TMEM233: variants seen among roughly 807,000 people sequenced by gnomAD.
The protein encoded by TMEM233 is dispanin subfamily B member 2.
TMEM233 carries 6 observed loss-of-function variants against 11.2 expected under a neutral mutation model. The ratio of observed to expected loss-of-function variants is 0.54; its 90% CI spans 0.29 to 1.06. The LOEUF (loss-of-function observed/expected upper bound fraction) is 1.06. Ranked by LOEUF, TMEM233 falls within the 50% of genes least tolerant of loss-of-function variation. The probability of loss-of-function intolerance (pLI) is 0.08; values close to 1 mark genes in which losing one functional copy is unlikely to be tolerated. For missense variants in TMEM233, 127 were observed against 144.7 expected, an observed-to-expected ratio of 0.88 and a Z score of 0.63; for synonymous variants, 59 against 55.8, an observed-to-expected ratio of 1.06 and a Z score of -0.26.
chr12:119,624,021 T>C (rs1393797265), intron 1 of TMEM233, among the ~76,000 whole-genome samples: 2 of 152,130 alleles, frequency 1.3e-5, no homozygotes, highest in Non-Finnish European at 2.9e-5. Flanking sequence ...GATAGTTACA[T>C]AGACCAGAAG....
intron 1 of TMEM233, among the ~76,000 whole-genome samples, chr12:119,619,499 G>A (rs542588861): frequency 1.3e-5 from 2 of 152,122 alleles, no homozygotes; most frequent in South Asian, 4.2e-4. Context: ...AAATTACCTG[G>A]TAGTGGTAGC....
chr12:119,603,675 T>C (rs1245209003), intron 1 of TMEM233, among the ~76,000 whole-genome samples: 2 of 152,182 alleles, frequency 1.3e-5, no homozygotes, highest in Non-Finnish European at 2.9e-5. Context: ...TCTAAACAGA[T>C]TTCCTCTTGG....
chr12:119,637,434 C>T lies in TMEM233; in HGVS notation c.324-3265C>T, dbSNP rs556791426. On this transcript the variant is annotated intron_variant, in intron 2 of 2. Transcript: ENST00000426426. Reference sequence around the variant, plus strand: ...CTTGACCCATTCTGTACTGGGAAAGCGTCTCTCTCATAAGCAAATTGAAAT... The same window carrying T: ...CTTGACCCATTCTGTACTGGGAAAGTGTCTCTCTCATAAGCAAATTGAAAT... 9.2e-5 allele frequency among the ~76,000 whole-genome samples: 14 copies of T among 152,302 alleles called. No individual in the cohort carries two copies. The East Asian group carries it at 2.5e-3, about 27-fold the overall frequency.
At chr12:119,613,802 C>G (rs1279235169) in intron 1 of TMEM233, among the ~76,000 whole-genome samples, 1 of 151,702 alleles carries the variant, frequency 6.6e-6, no homozygotes, top group Non-Finnish European at 1.5e-5. Context: ...AACCTTGTCT[C>G]AAAAAATAAA....
At chr12:119,650,533 T>C in the TMEM233 span, among the ~76,000 whole-genome samples, 1 of 152,260 alleles carries the variant, frequency 6.6e-6, no homozygotes. Context: ...TTGTCCCTAA[T>C]TCGTTGCAAA....
chr12:119,630,724 A>G (rs1333400051), intron 2 of TMEM233, among the ~76,000 whole-genome samples: 1 of 152,256 alleles, frequency 6.6e-6, no homozygotes, highest in Non-Finnish European at 1.5e-5. Flanking sequence ...TTAGGCTTAC[A>G]TTGACTGAAA....
At chr12:119,648,430 C>T in the TMEM233 span, among the ~76,000 whole-genome samples, 13 of 152,166 alleles carry the variant, frequency 8.5e-5, no homozygotes, top group Non-Finnish European at 1.8e-4. Context: ...TCCCCATGTG[C>T]CCTTCCTCCT....
At chr12:119,627,232 G>A (rs1299585964) in intron 1 of TMEM233, among the ~76,000 whole-genome samples, 1 of 152,218 alleles carries the variant, frequency 6.6e-6, no homozygotes, top group African/African-American at 2.4e-5. Flanking sequence ...GAACTTCTTT[G>A]GTAAATGACC....
chr12:119,617,809 GGCAACAA>G (rs1437428774), intron 1 of TMEM233, among the ~76,000 whole-genome samples: 1 of 151,960 alleles, frequency 6.6e-6, no homozygotes, highest in African/African-American at 2.4e-5. Flanking sequence ...CTCCAACCTG[GGCAACAA>G]GAAAGAAACT....
intron 1 of TMEM233, among the ~76,000 whole-genome samples, chr12:119,613,270 T>A (rs1490067272): frequency 1.3e-5 from 2 of 152,046 alleles, no homozygotes; most frequent in African/African-American, 4.8e-5. Context: ...CTGTATGAAT[T>A]TTTTCTTTTT....
the TMEM233 span, among the ~76,000 whole-genome samples, chr12:119,653,282 C>T: frequency 6.6e-6 from 1 of 151,028 alleles, no homozygotes; most frequent in Non-Finnish European, 1.5e-5. Context: ...CTCCCAGCTG[C>T]TTGGGAGGCT....
intron 1 of TMEM233, among the ~76,000 whole-genome samples, chr12:119,597,803 A>G (rs1954077967): frequency 6.6e-6 from 1 of 152,208 alleles, no homozygotes; most frequent in African/African-American, 2.4e-5. Context: ...CTATATATTG[A>G]AAGTCTGTTT....
At chr12:119,634,094 G>A in intron 2 of TMEM233, 1 of 186,482 alleles carries the variant, frequency 5.4e-6, no homozygotes, top group Non-Finnish European at 1.0e-5. Flanking sequence ...TCATGGACTG[G>A]TCGGTTTTCA....
rs141421355 is a variant in TMEM233, at chr12:119,626,496, G to A, written c.187-3240G>A. On this transcript the variant is annotated intron_variant, in intron 1 of 2. Coordinates refer to ENST00000426426, the MANE Select transcript of TMEM233 (RefSeq NM_001136534.3). ...GGAAAAAAAAAAAAAAGAAGAAAAA[G>A]GAGGAGGAGGAGGAGGAGGAGGAGA... Among the ~76,000 whole-genome samples the A allele has an allele frequency of 2.0e-3, 123 of 62,408 alleles. 12 individuals are homozygous for A. The highest frequency in any genetic ancestry group is 0.016 in the Admixed American group (109 of 6,726). The allele number at this position is 62,408 out of a possible 152,430, so 40.9% of individuals were successfully genotyped here.
chr12:119,626,519 A>AG (rs1954763792), intron 1 of TMEM233, among the ~76,000 whole-genome samples: 4 of 57,080 alleles, frequency 7.0e-5, no homozygotes, highest in Non-Finnish European at 1.1e-4. Flanking sequence ...GAGGAGGAGG[A>AG]GAAGGGAGAA....
At chr12:119,632,518 G>A (rs1318093284) in intron 2 of TMEM233, among the ~76,000 whole-genome samples, 2 of 152,208 alleles carry the variant, frequency 1.3e-5, no homozygotes, top group African/African-American at 4.8e-5. Context: ...ACAGAAATGT[G>A]TGATGAGTCA....
Position 119,642,463 on chromosome 12 carries a change from G to A in TMEM233, c.*1758G>A, listed in dbSNP as rs531516544. 29 of 151,778 alleles carry A rather than the reference G, an allele frequency of 1.9e-4. No homozygotes were observed. The highest frequency in any genetic ancestry group is 6.8e-4 in the African/African-American group (28 of 41,388). The allele number at this position is 151,778 out of a possible 1,614,324, so 9.4% of individuals were successfully genotyped here. A position where few individuals can be genotyped will look rare whatever the true frequency, so the allele number is the denominator to read the frequency against. The stretch of plus-strand genomic sequence containing the variant: ...ACTCCATCTCAAAAAAAAAAGAAAA[G>A]AAAACGAAAGAAAAAGAAAAAAGAA... On this transcript the variant is annotated 3_prime_UTR_variant, in exon 3 of 3. Coordinates refer to ENST00000426426, the MANE Select transcript of TMEM233 (RefSeq NM_001136534.3).
chr12:119,599,225 C>T (rs2015795), intron 1 of TMEM233, among the ~76,000 whole-genome samples: 56,013 of 151,982 alleles, frequency 0.37, 11,849 homozygotes, highest in East Asian at 0.56. Context: ...TATTTGGTAG[C>T]ACAATAGGGT....
At chr12:119,640,011 G>A (rs1566116231) in intron 2 of TMEM233, among the ~76,000 whole-genome samples, 1 of 152,196 alleles carries the variant, frequency 6.6e-6, no homozygotes, top group Non-Finnish European at 1.5e-5. Flanking sequence ...CATGCTTATT[G>A]ATCAGTTTCA....
Sources: gnomAD v4.1 joint callset for allele counts (sites outside exome capture counted in the v4.1 genomes callset) on GRCh38, gnomAD v4.1.1 for gene constraint, MANE v1.5 for transcripts, NCBI Gene and HGNC (gene_info 2026-07-23, HGNC 2026-07-21) for gene names.